The following C2CD2 variants were observed in gnomAD, a reference collection of about 807,000 sequenced individuals.
C2CD2 encodes the protein C2 calcium dependent domain containing 2, also known as C2 domain-containing protein 2.
C2CD2 carries 43 observed loss-of-function variants against 74.3 expected under a neutral mutation model. The ratio of observed to expected loss-of-function variants is 0.58; its 90% CI spans 0.45 to 0.75. The LOEUF (loss-of-function observed/expected upper bound fraction) is 0.75, where lower values mean the gene tolerates loss of function less well. C2CD2 is among the 30% of genes least tolerant of loss of function. C2CD2 has a pLI of 0.00. For synonymous variants in C2CD2, 422 were observed against 390.7 expected (o/e 1.08, Z -0.94); for missense variants, 801 against 916.3 (o/e 0.87, Z 1.63).
chr21:41,936,517 C>T (rs1176721046), intron 2 of C2CD2, among the ~76,000 whole-genome samples: 5 of 152,200 alleles, frequency 3.3e-5, no homozygotes, highest in Non-Finnish European at 7.3e-5. Context: ...CCGGCCATTA[C>T]AGAAAACAAT....
intron 13 of C2CD2, among the ~76,000 whole-genome samples, chr21:41,898,220 G>A (rs931447131): frequency 3.3e-5 from 5 of 152,162 alleles, no homozygotes; most frequent in African/African-American, 7.2e-5. Context: ...CTGAGCTCAC[G>A]GCTTGGCCTG....
chr21:41,907,977 C>G, intron 8 of C2CD2, 193 bp from the exon 9 acceptor site: 1 of 628,826 alleles, frequency 1.6e-6, no homozygotes, highest in South Asian at 1.8e-5. Context: ...GGAAACGCTG[C>G]AGGACAGAGG....
intron 12 of C2CD2, among the ~76,000 whole-genome samples, chr21:41,900,280 AT>A (rs1477982331): frequency 1.3e-5 from 2 of 151,716 alleles, no homozygotes; most frequent in African/African-American, 4.8e-5. Flanking sequence ...TCTCAAAAAA[AT>A]AAAATAAAAT....
At chr21:41,930,351 A>T (rs2146211716) in intron 2 of C2CD2, among the ~76,000 whole-genome samples, 1 of 150,184 alleles carries the variant, frequency 6.7e-6, no homozygotes, top group East Asian at 1.9e-4. Context: ...GTGGAGAAAG[A>T]AAAGAGAAAA....
chr21:41,943,337 A>G (rs968045781), intron 1 of C2CD2, among the ~76,000 whole-genome samples: 1 of 152,194 alleles, frequency 6.6e-6, no homozygotes, highest in Non-Finnish European at 1.5e-5. Flanking sequence ...CAATTAAATG[A>G]ACAGGACCAC....
intron 6 of C2CD2, among the ~76,000 whole-genome samples, chr21:41,913,002 G>A (rs1032317400): frequency 3.3e-5 from 5 of 152,040 alleles, no homozygotes; most frequent in African/African-American, 9.7e-5. Context: ...CAAGTACCTC[G>A]CCCCCTCCGT....
chr21:41,945,977 T>C lies in C2CD2; in HGVS notation c.280-3732A>G, dbSNP rs1190441872. The stretch of plus-strand genomic sequence containing the variant: ...AATAAATAGTGATAGTATGGGATTA[T>C]AACCCACAGAATAAAATCCATATCC... On this transcript the variant is annotated intron_variant, in intron 1 of 13. Transcript: ENST00000380486. The surrounding 1 kb of genome is among the most constrained non-coding windows in gnomAD (Gnocchi z 4.2). 6.6e-6 allele frequency among the ~76,000 whole-genome samples: 1 copy of C among 152,228 alleles called. No individual in the cohort carries two copies. The highest frequency in any genetic ancestry group is 6.5e-5 in the Admixed American group (1 of 15,278).
chr21:41,942,189 C>T lies in C2CD2; in HGVS notation c.336G>A (p.Val112=). The T allele has an allele frequency of 6.5e-7, 1 of 1,549,514 alleles. No individual in the cohort carries two copies. Among genetic ancestry groups the T allele is most frequent in the Non-Finnish European group, 8.7e-7 (1 of 1,146,826 alleles). The change falls in exon 2 of 14, where the codon GTG becomes GTA. Residue 112 remains valine (V), a synonymous_variant. Transcript: ENST00000380486. The part of the protein sequence containing the change: ...EDPRQQALEL[V]VQEVSSVLRS... ...TGAGCACGCTGGAGACCTCCTGCAC[C>T]ACCAGCTCCAGTGCCTGCTGCCGCG...
At chr21:41,920,844 T>C (rs1380464905) in intron 3 of C2CD2, among the ~76,000 whole-genome samples, 2 of 152,272 alleles carry the variant, frequency 1.3e-5, no homozygotes, top group African/African-American at 4.8e-5. Flanking sequence ...CATTTGTGTT[T>C]GTGATCCTCT....
intron 7 of C2CD2, among the ~76,000 whole-genome samples, chr21:41,911,388 CTTT>C (rs58934224): frequency 1.1e-4 from 13 of 116,730 alleles, no homozygotes; most frequent in East Asian, 4.8e-4. Flanking sequence ...TATCTCGATT[CTTT>C]TTTTTTTTTT....
chr21:41,927,409 C>T (rs1244126335), intron 2 of C2CD2, among the ~76,000 whole-genome samples: 1 of 152,080 alleles, frequency 6.6e-6, no homozygotes, highest in Non-Finnish European at 1.5e-5. Context: ...GAGCCTGCCT[C>T]AGGCTCTCAA....
At chr21:41,940,149 C>T (rs1156503480) in intron 2 of C2CD2, among the ~76,000 whole-genome samples, 1 of 152,098 alleles carries the variant, frequency 6.6e-6, no homozygotes, top group Admixed American at 6.5e-5. Flanking sequence ...ACACTCCTGG[C>T]CCCAAGAATT....
Position 41,899,126 on chromosome 21 carries a change from C to T in C2CD2, c.1797G>A (p.Leu599=). The T allele has an allele frequency of 1.9e-6, 3 of 1,613,974 alleles. No individual in the cohort carries two copies. Among genetic ancestry groups the T allele is most frequent in the Non-Finnish European group, 1.7e-6 (2 of 1,179,988 alleles). The change falls in exon 13 of 14, where the codon CTG becomes CTA. Residue 599 remains leucine (L), a synonymous_variant. Transcript: ENST00000380486. The surrounding 1 kb of genome is among the most constrained non-coding windows in gnomAD (Gnocchi z 4.4). Reference sequence around the variant, plus strand: ...CTGACAGCTCATCACCGTCGGGGTCCAGCAGGACCTGGCTGCTCCATGCCG... The same window carrying T: ...CTGACAGCTCATCACCGTCGGGGTCTAGCAGGACCTGGCTGCTCCATGCCG... ...QAAAWSSQVL[L]DPDGDELSES... is the part of the protein sequence containing the mutation.
intron 2 of C2CD2, among the ~76,000 whole-genome samples, chr21:41,931,426 C>CT (rs34326295): frequency 0.86 from 117,434 of 135,956 alleles, 52,162 homozygotes; most frequent in Non-Finnish European, 0.95. Context: ...AGAAGAGTGT[C>CT]TTTTTTTTTT....
chr21:41,940,969 A>G (rs2065349569), intron 2 of C2CD2, among the ~76,000 whole-genome samples: 1 of 152,098 alleles, frequency 6.6e-6, no homozygotes, highest in South Asian at 2.1e-4. Flanking sequence ...TCAGAGCCCA[A>G]GAGTAAGAAA....
At chr21:41,889,672 C>T (rs8133677) in intron 13 of C2CD2, among the ~76,000 whole-genome samples, 27,302 of 149,850 alleles carry the variant, frequency 0.18, 2,642 homozygotes, top group Middle Eastern at 0.26. Flanking sequence ...TGCTGTCTGT[C>T]GCCCAGGCTG....
At chr21:41,905,929 T>G in intron 10 of C2CD2, 92 bp from the exon 11 acceptor site, 1 of 765,436 alleles carries the variant, frequency 1.3e-6, no homozygotes, top group South Asian at 1.4e-5. Flanking sequence ...TCACTGCAAC[T>G]CTGGTGTGTG....
At chr21:41,910,343 A>C (rs545702170) in intron 7 of C2CD2, among the ~76,000 whole-genome samples, 1 of 152,188 alleles carries the variant, frequency 6.6e-6, no homozygotes, top group South Asian at 2.1e-4. Flanking sequence ...TCTTACCCAT[A>C]TATCTTTGCA....
Position 41,907,641 on chromosome 21 carries a change from G to A in C2CD2, c.1143+19C>T, listed in dbSNP as rs367834849. 1.2e-6 allele frequency: 2 copies of A among 1,602,118 alleles called. No homozygotes were observed. Among genetic ancestry groups the A allele is most frequent in the Admixed American group, 1.7e-5 (1 of 57,260 alleles). ...TGCCCCAAGCCGGAACCCGGCCGCGGCGGACAGCCTCGCCCTACCTCTGCC... is the reference window on the plus strand; with the variant it reads ...TGCCCCAAGCCGGAACCCGGCCGCGACGGACAGCCTCGCCCTACCTCTGCC... On this transcript the variant is annotated intron_variant, in intron 9 of 13. Transcript: ENST00000380486.
Sources: allele counts gnomAD v4.1 joint callset (sites outside exome capture counted in the v4.1 genomes callset), GRCh38; gene constraint gnomAD v4.1.1; non-coding constraint Gnocchi (gnomAD v3.1); transcripts MANE v1.5; gene names NCBI Gene and HGNC (gene_info 2026-07-23, HGNC 2026-07-21).